CACNA2D3: variants seen among roughly 807,000 people sequenced by gnomAD.
CACNA2D3 encodes the protein voltage-dependent calcium channel subunit alpha-2/delta-3.
In CACNA2D3, 60 loss-of-function variants were observed where a neutral mutation model predicts 160.6. The ratio of observed to expected loss-of-function variants is 0.37; its 90% confidence interval spans 0.30 to 0.46. The LOEUF is 0.46. Among genes scored for constraint, CACNA2D3 ranks in the 20% least tolerant of loss-of-function variants. CACNA2D3 has a pLI of 1.00. For synonymous variants in CACNA2D3, 558 were observed against 492.9 expected (o/e 1.13, Z -1.75); for missense variants, 1,205 against 1,365.0 (o/e 0.88, Z 1.85).
chr3:54,521,148 G>GT (rs534237773), intron 5 of CACNA2D3, among the ~76,000 whole-genome samples: 7 of 152,256 alleles, frequency 4.6e-5, no homozygotes, highest in African/African-American at 1.7e-4. Flanking sequence ...GGATCAAATT[G>GT]TAACTCTGTG....
At chr3:54,598,056 C>G (rs58037472) in intron 9 of CACNA2D3, among the ~76,000 whole-genome samples, 58,921 of 151,092 alleles carry the variant, frequency 0.39, 11,767 homozygotes, top group South Asian at 0.54. Flanking sequence ...TTGGGAAGCC[C>G]AGGTGGGTGG....
At chr3:54,507,413 T>G (rs977869180) in intron 5 of CACNA2D3, among the ~76,000 whole-genome samples, 4 of 152,180 alleles carry the variant, frequency 2.6e-5, no homozygotes, top group African/African-American at 9.7e-5. Flanking sequence ...ATGCAGTCTT[T>G]CCTTCTCTAC....
At chr3:54,765,773 G>A (rs938354781) in intron 13 of CACNA2D3, among the ~76,000 whole-genome samples, 6 of 152,112 alleles carry the variant, frequency 3.9e-5, no homozygotes, top group African/African-American at 1.4e-4. Flanking sequence ...AGTAGCACCT[G>A]GACAGACAGA....
chr3:54,613,305 A>G (rs1170958075), intron 9 of CACNA2D3, among the ~76,000 whole-genome samples: 1 of 152,252 alleles, frequency 6.6e-6, no homozygotes. Flanking sequence ...GGTGTGTCAT[A>G]AAAGTCTTTG....
chr3:54,302,063 G>A (rs1201054987), intron 2 of CACNA2D3, among the ~76,000 whole-genome samples: 1 of 152,198 alleles, frequency 6.6e-6, no homozygotes, highest in African/African-American at 2.4e-5. Flanking sequence ...TCCTGATCTA[G>A]CATCTGTAAG....
intron 11 of CACNA2D3, among the ~76,000 whole-genome samples, chr3:54,718,001 C>G (rs903124806): frequency 6.6e-6 from 1 of 152,068 alleles, no homozygotes; most frequent in African/African-American, 2.4e-5. Flanking sequence ...ATATGAAATA[C>G]AGATATTTAT....
At chr3:54,386,694 G>GTTTTTTTGTT in intron 3 of CACNA2D3, 21 bp from the exon 4 acceptor site, 1 of 1,407,598 alleles carries the variant, frequency 7.1e-7, no homozygotes. Flanking sequence ...GCTGTCTTCT[G>GTTTTTTTGTT]TTTTTTTTTT....
At chr3:54,707,598 T>TC (rs1700881279) in intron 11 of CACNA2D3, among the ~76,000 whole-genome samples, 1 of 152,154 alleles carries the variant, frequency 6.6e-6, no homozygotes, top group African/African-American at 2.4e-5. Context: ...TCTGTGGAAT[T>TC]TTCTTTGTAG....
chr3:54,149,883 GTCTCTCTCTCTCTCTCTCTCTC>G (rs554851240), intron 2 of CACNA2D3, among the ~76,000 whole-genome samples: 5 of 60,768 alleles, frequency 8.2e-5, no homozygotes, highest in South Asian at 7.5e-4. Flanking sequence ...TGAAGTATCT[GTCTCTCTCTCTCTCTCTCTCTC>G]TCTCTCTCTC....
intron 2 of CACNA2D3, among the ~76,000 whole-genome samples, chr3:54,224,680 G>C (rs1157180663): frequency 6.6e-6 from 1 of 152,056 alleles, no homozygotes; most frequent in South Asian, 2.1e-4. Flanking sequence ...CTTGTCTTTC[G>C]TGTTGTCATG....
At chr3:54,551,434 T>C (rs1353758746) in intron 5 of CACNA2D3, among the ~76,000 whole-genome samples, 2 of 152,254 alleles carry the variant, frequency 1.3e-5, no homozygotes, top group South Asian at 2.1e-4. Context: ...TATTAGAAAA[T>C]ATGACATGAT....
intron 4 of CACNA2D3, among the ~76,000 whole-genome samples, chr3:54,391,911 T>C (rs1012557298): frequency 6.6e-6 from 1 of 152,168 alleles, no homozygotes; most frequent in African/African-American, 2.4e-5. Context: ...TCTCTTGGTG[T>C]AGTTCTTTAT....
intron 3 of CACNA2D3, among the ~76,000 whole-genome samples, chr3:54,349,367 C>T (rs1698512837): frequency 6.6e-6 from 1 of 152,128 alleles, no homozygotes; most frequent in Non-Finnish European, 1.5e-5. Context: ...AGGAATTTCT[C>T]ATTAGGAGGC....
intron 27 of CACNA2D3, among the ~76,000 whole-genome samples, chr3:54,959,130 A>T (rs1365360233): frequency 6.6e-6 from 1 of 152,208 alleles, no homozygotes; most frequent in Non-Finnish European, 1.5e-5. Flanking sequence ...TGGCAATCCT[A>T]TTAGAGTGCT....
At chr3:54,746,195 A>AT (rs777838926) in intron 11 of CACNA2D3, among the ~76,000 whole-genome samples, 3 of 152,196 alleles carry the variant, frequency 2.0e-5, no homozygotes, top group Non-Finnish European at 4.4e-5. Context: ...TTTATGAAGC[A>AT]TTTATGTGAG....
At chr3:54,958,777 C>G (rs575938203) in intron 27 of CACNA2D3, among the ~76,000 whole-genome samples, 1 of 151,852 alleles carries the variant, frequency 6.6e-6, no homozygotes, top group South Asian at 2.1e-4. Context: ...CTGTGTAACC[C>G]CCAGCCTAGA....
At chr3:54,547,990 A>C in intron 5 of CACNA2D3, among the ~76,000 whole-genome samples, 1 of 152,284 alleles carries the variant, frequency 6.6e-6, no homozygotes. Flanking sequence ...CACTGCACCC[A>C]GCCTAAAACC....
intron 2 of CACNA2D3, among the ~76,000 whole-genome samples, chr3:54,295,884 C>G (rs144225832): frequency 6.6e-6 from 1 of 152,346 alleles, no homozygotes; most frequent in East Asian, 1.9e-4. Flanking sequence ...CGCAGCTTAA[C>G]TTTTCCCTTT....
At chr3:54,901,589 G>T (rs545304101) in intron 27 of CACNA2D3, among the ~76,000 whole-genome samples, 42 of 152,184 alleles carry the variant, frequency 2.8e-4, no homozygotes, top group African/African-American at 9.4e-4. Context: ...CCCTGAGTGG[G>T]TGGAGAAGGC....
Sources: allele counts gnomAD v4.1 joint callset (sites outside exome capture counted in the v4.1 genomes callset), GRCh38; gene constraint gnomAD v4.1.1; transcripts MANE v1.5; gene names NCBI Gene and HGNC (gene_info 2026-07-23, HGNC 2026-07-21).